Variants in DUT observed in about 807,000 individuals in gnomAD.
DUT encodes deoxyuridine triphosphatase, also known as deoxyuridine 5'-triphosphate nucleotidohydrolase, mitochondrial.
In DUT, 21 loss-of-function variants were observed where a neutral mutation model predicts 28.8. The observed-to-expected ratio is 0.73, with a 90% CI of 0.52 to 1.05. The LOEUF (loss-of-function observed/expected upper bound fraction) is 1.05. Among genes scored for constraint, DUT ranks in the 50% least tolerant of loss-of-function variants. DUT has a pLI of 0.00. For synonymous variants in DUT, 147 were observed against 143.7 expected, an observed-to-expected ratio of 1.02 and a Z score of -0.17; for missense variants, 344 against 351.8, an observed-to-expected ratio of 0.98 and a Z score of 0.18.
Position 48,342,281 on chromosome 15 carries a change from G to T in DUT, c.*203G>T. ...CACAAAGAAGTTTTTCTTTGTGTTT[G>T]GATCAAAAAGAAACTTTGTTTTTCC... On this transcript the variant is annotated 3_prime_UTR_variant, in exon 7 of 7. Coordinates refer to ENST00000331200, the MANE Select transcript of DUT (RefSeq NM_001025248.2). 2.9e-6 allele frequency: 1 copy of T among 339,020 alleles called. No individual in the cohort carries two copies. 21.0% of individuals were successfully genotyped at this position (339,020 alleles called of 1,614,324 possible).
At chr15:48,331,180 G>A (rs928180183), upstream of DUT, 45 of 1,518,916 alleles carry the variant, frequency 3.0e-5, 1 homozygote, top group Middle Eastern at 8.5e-4. Flanking sequence ...GCTGCGGGCG[G>A]TGCCGCCCCA....
At chr15:48,331,970 C>T (rs1201866293) in intron 1 of DUT, 175 bp downstream of exon 1, 15 of 873,010 alleles carry the variant, frequency 1.7e-5, no homozygotes, top group Admixed American at 3.8e-5. Flanking sequence ...GGGCGACGCC[C>T]TAGAAGCTCC....
intron 2 of DUT, among the ~76,000 whole-genome samples, chr15:48,333,441 A>G (rs1284126555): frequency 1.3e-5 from 2 of 152,234 alleles, no homozygotes; most frequent in Non-Finnish European, 2.9e-5. Flanking sequence ...AGATACCTTA[A>G]GTAGACTCCT....
chr15:48,331,306 G>A (rs2042403608), upstream of DUT: 26 of 1,441,684 alleles, frequency 1.8e-5, no homozygotes, highest in African/African-American at 2.9e-5. Flanking sequence ...GCGGCAGCAA[G>A]ACTCAAGACG....
chr15:48,340,397 C>G (rs2042520920), intron 4 of DUT, among the ~76,000 whole-genome samples: 3 of 152,210 alleles, frequency 2.0e-5, no homozygotes, highest in African/African-American at 7.2e-5. Flanking sequence ...ACACTATGAA[C>G]TGTGGAATTG....
chr15:48,332,512 G>A, intron 2 of DUT, 106 bp downstream of exon 2: 1 of 1,043,264 alleles, frequency 9.6e-7, no homozygotes, highest in African/African-American at 1.6e-5. Flanking sequence ...GCTATAAATA[G>A]GATTTCTGCC....
At chr15:48,341,162 C>T (rs1040762078) in intron 4 of DUT, 127 bp from the exon 5 acceptor site, 33 of 612,734 alleles carry the variant, frequency 5.4e-5, no homozygotes, top group Non-Finnish European at 8.7e-5. Flanking sequence ...AGTACCAGGG[C>T]AAGATTCACT....
chr15:48,334,295 A>G, intron 2 of DUT, 122 bp from the exon 3 acceptor site: 1 of 561,868 alleles, frequency 1.8e-6, no homozygotes, highest in Admixed American at 3.4e-5. Flanking sequence ...TGATTTTAGA[A>G]ACTAAAGTTG....
intron 4 of DUT, among the ~76,000 whole-genome samples, chr15:48,337,491 T>C (rs1311888612): frequency 6.6e-6 from 1 of 152,130 alleles, no homozygotes; most frequent in Non-Finnish European, 1.5e-5. Flanking sequence ...CCTCTAGAGG[T>C]AGGAGGATTA....
intron 1 of DUT, 36 bp from the exon 2 acceptor site, chr15:48,332,232 G>T: frequency 3.8e-6 from 6 of 1,564,462 alleles, no homozygotes; most frequent in African/African-American, 1.4e-5. Context: ...TGGTCTCCTC[G>T]CTCGCCTTCT....
chr15:48,341,196 C>T (rs1404918180), intron 4 of DUT, 93 bp from the exon 5 acceptor site: 2 of 746,082 alleles, frequency 2.7e-6, no homozygotes, highest in African/African-American at 1.8e-5. Flanking sequence ...GAATACAAAT[C>T]TCAGAGCTAC....
Position 48,339,172 on chromosome 15 carries a change from G to T in DUT, c.557-2117G>T, listed in dbSNP as rs28381132. On this transcript the variant is annotated intron_variant, in intron 4 of 6. Coordinates refer to ENST00000331200, the MANE Select transcript of DUT (RefSeq NM_001025248.2). ...TATTTCCATATCTTGTATCTAAAAA[G>T]AATGGCTAACATTTACATATATTAA... Among the ~76,000 whole-genome samples the T allele has an allele frequency of 5.4e-3, 829 of 152,144 alleles. 8 individuals are homozygous for T. Among genetic ancestry groups the T allele is most frequent in the African/African-American group, 0.019 (807 of 41,518 alleles).
chr15:48,332,050 C>T, intron 1 of DUT: 1 of 1,139,250 alleles, frequency 8.8e-7, no homozygotes, highest in Non-Finnish European at 1.2e-6. Flanking sequence ...CATCCCAAAC[C>T]TGCTTTCCGA....
chr15:48,334,859 T>C (rs1250731435), intron 3 of DUT, among the ~76,000 whole-genome samples: 1 of 152,118 alleles, frequency 6.6e-6, no homozygotes, highest in East Asian at 1.9e-4. Context: ...GGGGTTAGGG[T>C]AAGGGATACT....
rs756717556 is a variant in DUT at position 48,341,554 on chromosome 15, G to A, written c.671G>A (p.Arg224Gln). Reference sequence around the variant, plus strand: ...CGAATTGCACAGCTCATTTGCGAACGGATTTTTTATCCAGAAATAGAAGAA... The same window carrying A: ...CGAATTGCACAGCTCATTTGCGAACAGATTTTTTATCCAGAAATAGAAGAA... ...GDRIAQLICE[R>Q]IFYPEIEEVQ... The change falls in exon 6 of 7, where the codon CGG (arginine) becomes CAG (glutamine). Residue 224 changes from arginine (R) to glutamine (Q), a missense_variant. Physicochemically the swap from Arg to Gln is conservative, Grantham distance 43. Coordinates refer to ENST00000331200, the MANE Select transcript of DUT (RefSeq NM_001025248.2). The A allele has an allele frequency of 3.2e-5, 52 of 1,612,490 alleles. No individual in the cohort carries two copies. The highest frequency in any genetic ancestry group is 1.6e-4 in the Middle Eastern group (1 of 6,066).
At chr15:48,331,428 T>A (rs940587411), upstream of DUT, 4 of 1,562,876 alleles carry the variant, frequency 2.6e-6, no homozygotes, top group East Asian at 2.4e-5. Context: ...TCCGAGGTCA[T>A]GTTCCCAGGA....
At chr15:48,334,726 T>C (rs576506032) in intron 3 of DUT, among the ~76,000 whole-genome samples, 27 of 152,348 alleles carry the variant, frequency 1.8e-4, no homozygotes, top group African/African-American at 6.5e-4. Context: ...ACTGGAGCTT[T>C]TAGGCTCACA....
At chr15:48,341,394 T>C (rs2042532129) in intron 5 of DUT, 31 bp downstream of exon 5, 1 of 1,574,452 alleles carries the variant, frequency 6.4e-7, no homozygotes, top group African/African-American at 1.4e-5. Flanking sequence ...CACATAATTT[T>C]AGTGAATTTT....
upstream of DUT, chr15:48,331,377 C>G (rs975536832): frequency 3.5e-5 from 51 of 1,469,662 alleles, no homozygotes; most frequent in East Asian, 1.3e-3. Flanking sequence ...GCCGGGGCAC[C>G]GCCTCTCCAC....
Sources: gnomAD v4.1 joint callset for allele counts (sites outside exome capture counted in the v4.1 genomes callset) on GRCh38, gnomAD v4.1.1 for gene constraint, MANE v1.5 for transcripts, NCBI Gene and HGNC (gene_info 2026-07-23, HGNC 2026-07-21) for gene names.